LY86: variants seen among roughly 807,000 people sequenced by gnomAD.
LY86 encodes MD-1, RP105-associated.
In LY86, 20 loss-of-function variants were observed where a neutral mutation model predicts 17.3. The ratio of observed to expected loss-of-function variants is 1.15; its 90% CI spans 0.81 to 1.68. The LOEUF (loss-of-function observed/expected upper bound fraction) is 1.68. LY86 is among the 40% of genes most tolerant of loss of function. The pLI, the probability that LY86 is intolerant of heterozygous loss-of-function variation, is 0.00. For missense variants in LY86, 200 were observed against 191.9 expected, an observed-to-expected ratio of 1.04 and a Z score of -0.25; for synonymous variants, 74 against 70.6, an observed-to-expected ratio of 1.05 and a Z score of -0.24.
At chr6:6,604,567 G>A (rs1164502053) in intron 1 of LY86, among the ~76,000 whole-genome samples, 1 of 152,106 alleles carries the variant, frequency 6.6e-6, no homozygotes, top group Admixed American at 6.5e-5. Context: ...CGAAAAATAT[G>A]GAGCTACAGC....
chr6:6,615,658 G>T (rs866087092), intron 1 of LY86, among the ~76,000 whole-genome samples: 3 of 149,486 alleles, frequency 2.0e-5, no homozygotes, highest in Non-Finnish European at 4.4e-5. Flanking sequence ...GGAGGTGGAG[G>T]TTGCAGTGAG....
chr6:6,638,186 A>G (rs1761988149), intron 3 of LY86, among the ~76,000 whole-genome samples: 3 of 152,238 alleles, frequency 2.0e-5, no homozygotes, highest in African/African-American at 7.2e-5. Context: ...AATGTACAGA[A>G]TACACACCGG....
intron 3 of LY86, among the ~76,000 whole-genome samples, chr6:6,649,069 C>T (rs751611043): frequency 8.5e-5 from 13 of 152,240 alleles, no homozygotes; most frequent in Non-Finnish European, 1.0e-4. Context: ...TTAACAGACT[C>T]ACAGTTCCAG....
chr6:6,599,976 C>T (rs1206797127), intron 1 of LY86, among the ~76,000 whole-genome samples: 2 of 148,736 alleles, frequency 1.3e-5, no homozygotes, highest in African/African-American at 5.2e-5. Flanking sequence ...CCCACATCCC[C>T]AAAGCACAAA....
chr6:6,636,617 T>C (rs1761962214), intron 3 of LY86, among the ~76,000 whole-genome samples: 2 of 152,220 alleles, frequency 1.3e-5, no homozygotes, highest in South Asian at 2.1e-4. Flanking sequence ...AGCCTGCATA[T>C]TTTCTGATGG....
In LY86 at chr6:6,642,148, G is replaced by A. The variant is rs144799816; in HGVS notation, c.353-7477G>A. ...CCAGGGGCTGAGAGGATGTGGCCCC[G>A]ACCCCTAAAAGCATATGCTGCTGGG... On this transcript the variant is annotated intron_variant, in intron 3 of 4. Transcript: ENST00000230568. Among the ~76,000 whole-genome samples, 1,382 of 152,330 alleles carry A rather than the reference G, an allele frequency of 9.1e-3. 10 individuals are homozygous for A. The highest frequency in any genetic ancestry group is 0.024 in the Middle Eastern group (7 of 294).
intron 3 of LY86, among the ~76,000 whole-genome samples, chr6:6,628,974 T>A (rs1011933082): frequency 6.6e-6 from 1 of 152,254 alleles, no homozygotes; most frequent in East Asian, 1.9e-4. Flanking sequence ...AAAACCTTGC[T>A]ATTTTTGCCT....
intron 3 of LY86, among the ~76,000 whole-genome samples, chr6:6,637,900 G>A (rs570520763): frequency 8.5e-5 from 13 of 152,238 alleles, no homozygotes; most frequent in African/African-American, 2.6e-4. Flanking sequence ...TTTGAATGTC[G>A]TATGAAGTAT....
At chr6:6,640,592 A>G (rs1762025804) in intron 3 of LY86, among the ~76,000 whole-genome samples, 1 of 152,070 alleles carries the variant, frequency 6.6e-6, no homozygotes, top group East Asian at 1.9e-4. Context: ...ATGGTGGTGT[A>G]GTCCTGGCTA....
intron 1 of LY86, among the ~76,000 whole-genome samples, chr6:6,595,412 G>A (rs1229476791): frequency 6.8e-6 from 1 of 146,342 alleles, no homozygotes; most frequent in Non-Finnish European, 1.5e-5. Context: ...AAGATGAAAG[G>A]GGAGAAAGAA....
At chr6:6,592,705 T>C (rs4960216) in intron 1 of LY86, among the ~76,000 whole-genome samples, 55,085 of 151,886 alleles carry the variant, frequency 0.36, 10,380 homozygotes, top group Non-Finnish European at 0.42. Context: ...CAGAGATCTC[T>C]TTTCACCACA....
intron 1 of LY86, among the ~76,000 whole-genome samples, chr6:6,599,361 T>C (rs1356643831): frequency 1.3e-5 from 2 of 152,222 alleles, no homozygotes; most frequent in Non-Finnish European, 2.9e-5. Context: ...CAGAAGAAAC[T>C]TGAGCACTTT....
Position 6,592,238 on chromosome 6 carries a change from A to C in LY86, c.136+3368A>C, listed in dbSNP as rs551765191. ...GACTAGGAAGTAAGCAGTTTTCTGA[A>C]AAAGCAGAAGTCCTGGCCTGGCCAA... is the stretch of plus-strand genomic sequence containing the variant. On this transcript the variant is annotated intron_variant, in intron 1 of 4. Transcript: ENST00000230568. Among the ~76,000 whole-genome samples, 3 of 152,322 alleles carry C rather than the reference A, an allele frequency of 2.0e-5. No homozygotes were observed. The South Asian group carries it at 6.2e-4, about 32-fold the overall frequency.
intron 1 of LY86, among the ~76,000 whole-genome samples, chr6:6,609,163 T>C (rs1008660004): frequency 1.2e-4 from 19 of 152,162 alleles, no homozygotes. Context: ...TCCCGGATGG[T>C]CTATGTGAAA....
rs1207511602 is a variant in LY86 at position 6,603,603 on chromosome 6, C to CAAAAAAAAAAAAAAAAAAAA, written c.136+14734_136+14735insAAAAAAAAAAAAAAAAAAAA. 2.5e-3 allele frequency among the ~76,000 whole-genome samples: 179 copies of CAAAAAAAAAAAAAAAAAAAA among 70,280 alleles called. 1 individual carries two copies. Among genetic ancestry groups the CAAAAAAAAAAAAAAAAAAAA allele is most frequent in the Middle Eastern group, 0.011 (1 of 88 alleles). 46.1% of individuals were successfully genotyped at this position (70,280 alleles called of 152,430 possible). A position where few individuals can be genotyped will look rare whatever the true frequency, so the allele number is the denominator to read the frequency against. ...CCAAAGCCAAAAACAAAAACAGAAA[C>CAAAAAAAAAAAAAAAAAAAA]AGAAAAAAAAACAAACAAAAAAAAA... On this transcript the variant is annotated intron_variant, in intron 1 of 4. Transcript: ENST00000230568.
rs529609215 is a variant in LY86, at chr6:6,589,989, C to T, written c.136+1119C>T. 1.5e-4 allele frequency among the ~76,000 whole-genome samples: 23 copies of T among 152,102 alleles called. No homozygotes were observed. In the South Asian group the frequency reaches 4.6e-3, roughly 30 times the overall value. ...ATATAAAATTAGCTGGGCATGGTGG[C>T]ACGCGCCTGTAATCCCAGCTACTTG... is the stretch of plus-strand genomic sequence containing the variant. On this transcript the variant is annotated intron_variant, in intron 1 of 4. Coordinates refer to ENST00000230568, the MANE Select transcript of LY86 (RefSeq NM_004271.4).
intron 1 of LY86, among the ~76,000 whole-genome samples, chr6:6,597,335 G>C (rs1026447618): frequency 6.6e-6 from 1 of 152,318 alleles, no homozygotes; most frequent in East Asian, 1.9e-4. Context: ...GTGGACAGAG[G>C]TTGTCGATCC....
rs150134867 is a variant in LY86 at position 6,643,739 on chromosome 6, C to T, written c.353-5886C>T. On this transcript the variant is annotated intron_variant, in intron 3 of 4. Coordinates refer to ENST00000230568, the MANE Select transcript of LY86 (RefSeq NM_004271.4). Reference sequence around the variant, plus strand: ...TCACACACAAATGCATGCATGCACACGAACACACACGTGCAGGCACACATG... The same window carrying T: ...TCACACACAAATGCATGCATGCACATGAACACACACGTGCAGGCACACATG... 4.7e-4 allele frequency among the ~76,000 whole-genome samples: 71 copies of T among 152,264 alleles called. 1 individual carries two copies. Among genetic ancestry groups the T allele is most frequent in the Admixed American group, 1.5e-3 (23 of 15,290 alleles).
intron 1 of LY86, among the ~76,000 whole-genome samples, chr6:6,613,389 G>A (rs1581242101): frequency 6.6e-6 from 1 of 152,256 alleles, no homozygotes; most frequent in African/African-American, 2.4e-5. Context: ...GTGGGGAGCG[G>A]GAGGAGACTT....
Sources: allele counts gnomAD v4.1 joint callset (sites outside exome capture counted in the v4.1 genomes callset), GRCh38; gene constraint gnomAD v4.1.1; transcripts MANE v1.5; gene names NCBI Gene and HGNC (gene_info 2026-07-23, HGNC 2026-07-21).